SI: variants seen among roughly 807,000 people sequenced by gnomAD.
SI encodes sucrase-isomaltase, intestinal.
SI carries 235 observed loss-of-function variants against 253.3 expected under a neutral mutation model. That is an observed-to-expected ratio of 0.93 (90% CI 0.83 to 1.03). The LOEUF is 1.03. Among genes scored for constraint, SI ranks in the 50% least tolerant of loss-of-function variants. The pLI, the probability that SI is intolerant of heterozygous loss-of-function variation, is 0.00. For synonymous variants in SI, 819 were observed against 712.0 expected, an observed-to-expected ratio of 1.15 and a Z score of -2.39; for missense variants, 2,442 against 2,211.1, an observed-to-expected ratio of 1.10 and a Z score of -2.09.
chr3:164,987,439 G>A (rs973197056), intron 44 of SI, among the ~76,000 whole-genome samples: 7 of 152,088 alleles, frequency 4.6e-5, no homozygotes, highest in Non-Finnish European at 5.9e-5. Context: ...GGCCGGGTGC[G>A]GTGGCTCACG....
rs768521512 is a variant in SI, at chr3:165,021,243, G to C, written c.3240C>G (p.Ser1080Arg). ...CAATTACTTACATGACTCTTCCACT[G>C]CTTCTCCGTCGAATCTGGATGCCAA... ...NPFGIQIRRR[S>R]SGRVIWDSWL... is the part of the protein sequence containing the mutation. Residue 1080 changes from serine to arginine, a missense_variant, in exon 27 of 48, where the codon AGC becomes AGG. By Grantham distance (110) the Ser-to-Arg change is moderately radical. Coordinates refer to ENST00000264382, the MANE Select transcript of SI (RefSeq NM_001041.4). The C allele has an allele frequency of 1.9e-6, 3 of 1,610,622 alleles. No individual in the cohort carries two copies. The highest frequency in any genetic ancestry group is 2.5e-6 in the Non-Finnish European group (3 of 1,177,618).
intron 2 of SI, among the ~76,000 whole-genome samples, chr3:165,074,884 A>G (rs1334898500): frequency 1.3e-5 from 2 of 152,018 alleles, no homozygotes; most frequent in East Asian, 3.9e-4. Flanking sequence ...GTAGAATCCT[A>G]TTGACTGTTT....
Position 165,060,040 on chromosome 3 carries a change from G to A in SI, c.1021-13C>T, listed in dbSNP as rs996030299. ...GTAGTCCAACAAGCTTAAAGTAAAT[G>A]AGCATGTAATTAGTTTGAATAGAAA... On this transcript the variant is annotated splice_polypyrimidine_tract_variant and intron_variant, in intron 9 of 47. Transcript: ENST00000264382. 12 of 1,607,814 alleles carry A rather than the reference G, an allele frequency of 7.5e-6. No individual in the cohort carries two copies. Among genetic ancestry groups the A allele is most frequent in the Non-Finnish European group, 1.0e-5 (12 of 1,175,492 alleles).
At position 165,046,939 on chromosome 3, in the gene SI, G is replaced by A. The variant is rs1713149127; in HGVS notation, c.1789C>T (p.His597Tyr). 1 of 1,612,670 alleles carries A rather than the reference G, an allele frequency of 6.2e-7. No homozygotes were observed. The highest frequency in any genetic ancestry group is 8.5e-7 in the Non-Finnish European group (1 of 1,179,252). The change falls in exon 16 of 48, where the codon CAT becomes TAT. Residue 597 changes from histidine (H) to tyrosine (Y), a missense_variant. Physicochemically the swap from His to Tyr is moderately conservative, Grantham distance 83. Coordinates refer to ENST00000264382, the MANE Select transcript of SI (RefSeq NM_001041.4). Reference protein sequence around the residue: ...TRSTFAGSGRHAAHWLGDNTA... With the variant: ...TRSTFAGSGRYAAHWLGDNTA... The stretch of plus-strand genomic sequence containing the variant: ...TTGTCTCCTAACCAATGCGCAGCAT[G>A]TCTTCCAGATCCAGCAAATGTTGAG...
chr3:164,986,212 C>G (rs1303999220), intron 45 of SI, among the ~76,000 whole-genome samples: 1 of 152,136 alleles, frequency 6.6e-6, no homozygotes, highest in Non-Finnish European at 1.5e-5. Context: ...AAGTTTCTCT[C>G]TGACCTTCTC....
At chr3:164,983,095 G>A in intron 45 of SI, 44 bp from the exon 46 acceptor site, 1 of 1,511,468 alleles carries the variant, frequency 6.6e-7, no homozygotes, top group South Asian at 1.1e-5. Flanking sequence ...TATTTCCAAA[G>A]AAGAACCATA....
chr3:164,989,336 C>CA (rs1159349180), intron 44 of SI, among the ~76,000 whole-genome samples: 4 of 120,002 alleles, frequency 3.3e-5, no homozygotes, highest in South Asian at 2.7e-4. Flanking sequence ...AAGACTCTGT[C>CA]AAAAAAAAGA....
At chr3:165,033,280 T>A (rs894915266) in intron 23 of SI, 115 bp downstream of exon 23, 2 of 776,186 alleles carry the variant, frequency 2.6e-6, no homozygotes, top group African/African-American at 1.8e-5. Flanking sequence ...TTCATTACAT[T>A]CCATTAAAAT....
chr3:164,992,499 G>T, intron 41 of SI, 102 bp from the exon 42 acceptor site: 1 of 797,122 alleles, frequency 1.3e-6, no homozygotes, highest in Non-Finnish European at 2.0e-6. Flanking sequence ...GGACTTTTGT[G>T]GATTAAAATA....
intron 38 of SI, 79 bp from the exon 39 acceptor site, chr3:164,996,851 GA>G (rs1248515797): frequency 2.7e-6 from 2 of 728,040 alleles, no homozygotes; most frequent in African/African-American, 3.6e-5. Context: ...TATTTATGAT[GA>G]TGTTCTGTTT....
chr3:165,054,468 G>T (rs1344896262), intron 13 of SI, among the ~76,000 whole-genome samples: 2 of 151,972 alleles, frequency 1.3e-5, no homozygotes, highest in African/African-American at 4.8e-5. Context: ...CACCTCCCGG[G>T]TTCAAGCAAT....
In SI at chr3:165,039,107, G is replaced by A. The variant is rs779574561; in HGVS notation, c.2272C>T (p.Pro758Ser). The A allele has an allele frequency of 6.3e-7, 1 of 1,594,550 alleles. No homozygotes were observed. Among genetic ancestry groups the A allele is most frequent in the Non-Finnish European group, 8.6e-7 (1 of 1,163,956 alleles). The change falls in exon 20 of 48, where the codon CCT (proline) becomes TCT (serine). Residue 758 changes from proline (P) to serine (S), a missense_variant. Coordinates refer to ENST00000264382, the MANE Select transcript of SI (RefSeq NM_001041.4). ...QGADTVSAYI[P>S]DAIWYDYESG... The stretch of plus-strand genomic sequence containing the variant: ...TCATAATCATACCAAATAGCATCAG[G>A]GATGTAGGCACTCACAGTATCTGCT...
chr3:165,048,692 A>G (rs1392090757), intron 15 of SI, among the ~76,000 whole-genome samples: 2 of 151,364 alleles, frequency 1.3e-5, no homozygotes, highest in Non-Finnish European at 2.9e-5. Flanking sequence ...ATCTCGGCTC[A>G]CTGCAACCTC....
rs147629818 is a variant in SI, at chr3:165,012,586, G to A, written c.4062+394C>T. 8.0e-3 allele frequency among the ~76,000 whole-genome samples: 1,165 copies of A among 146,128 alleles called. 6 individuals are homozygous for A. Among genetic ancestry groups the A allele is most frequent in the Non-Finnish European group, 0.014 (907 of 66,884 alleles). ...TGGGTCTACAGGCTCCCGCCACCAC[G>A]CCTGGTTATTTTTTTTTGTATTTTT... On this transcript the variant is annotated intron_variant, in intron 34 of 47. Transcript: ENST00000264382.
the SI span, among the ~76,000 whole-genome samples, chr3:165,087,156 C>CAAAAA: frequency 1.3e-5 from 2 of 150,974 alleles, no homozygotes; most frequent in African/African-American, 4.9e-5. Flanking sequence ...AACAAACAAA[C>CAAAAA]AAAAAACTGT....
chr3:165,074,449 A>C, intron 3 of SI, 82 bp downstream of exon 3: 1 of 838,844 alleles, frequency 1.2e-6, no homozygotes. Flanking sequence ...TTTATTAAAT[A>C]AGATCGATCC....
chr3:165,079,771 G>A (rs1715226948), upstream of SI, among the ~76,000 whole-genome samples: 4 of 151,568 alleles, frequency 2.6e-5, no homozygotes, highest in Admixed American at 2.6e-4. Flanking sequence ...AGGAAGAATT[G>A]GAAACTGAAA....
At chr3:165,025,956 A>T (rs996777956) in intron 25 of SI, among the ~76,000 whole-genome samples, 2 of 151,354 alleles carry the variant, frequency 1.3e-5, no homozygotes, top group African/African-American at 4.8e-5. Flanking sequence ...AACAAATAGC[A>T]CAATGAATGG....
the SI span, among the ~76,000 whole-genome samples, chr3:165,086,966 G>A: frequency 5.3e-5 from 8 of 152,148 alleles, no homozygotes; most frequent in African/African-American, 1.9e-4. Flanking sequence ...TTATGAGACA[G>A]TTTCAGTGGA....
Sources: allele counts gnomAD v4.1 joint callset (sites outside exome capture counted in the v4.1 genomes callset), GRCh38; gene constraint gnomAD v4.1.1; transcripts MANE v1.5; gene names NCBI Gene and HGNC (gene_info 2026-07-23, HGNC 2026-07-21).